The following GMDS variants were observed in gnomAD, a reference collection of about 807,000 sequenced individuals.
GMDS encodes the protein GDP-mannose 4,6 dehydratase.
GMDS carries 20 observed loss-of-function variants against 49.9 expected under a neutral mutation model. The ratio of observed to expected loss-of-function variants is 0.40; its 90% confidence interval spans 0.28 to 0.58. GMDS has a LOEUF of 0.58. Among genes scored for constraint, GMDS ranks in the 20% least tolerant of loss-of-function variants. The pLI is 0.42. For synonymous variants in GMDS, 177 were observed against 178.6 expected, an observed-to-expected ratio of 0.99 and a Z score of 0.07; for missense variants, 362 against 481.4, an observed-to-expected ratio of 0.75 and a Z score of 2.32.
intron 4 of GMDS, among the ~76,000 whole-genome samples, chr6:2,084,860 T>C (rs867756450): frequency 1.3e-5 from 2 of 152,298 alleles, no homozygotes; most frequent in Non-Finnish European, 2.9e-5. Context: ...GGTTTACATA[T>C]AATTTGAGCA....
At chr6:2,242,909 C>T (rs989492566) in intron 1 of GMDS, among the ~76,000 whole-genome samples, 3 of 152,212 alleles carry the variant, frequency 2.0e-5, no homozygotes, top group African/African-American at 4.8e-5. Context: ...AGACCCCTTG[C>T]ATTAACACCA....
At chr6:1,758,892 T>A (rs946744379) in intron 7 of GMDS, among the ~76,000 whole-genome samples, 5 of 152,162 alleles carry the variant, frequency 3.3e-5, no homozygotes, top group African/African-American at 1.2e-4. Flanking sequence ...TCTCAAAAAA[T>A]AATAATAATC....
intron 1 of GMDS, among the ~76,000 whole-genome samples, chr6:2,170,369 T>C (rs1777927410): frequency 6.6e-6 from 1 of 152,170 alleles, no homozygotes; most frequent in Admixed American, 6.5e-5. Context: ...CTCATACCTA[T>C]AATCTAAACA....
intron 4 of GMDS, among the ~76,000 whole-genome samples, chr6:1,984,943 T>C (rs2127352301): frequency 6.6e-6 from 1 of 152,248 alleles, no homozygotes; most frequent in Non-Finnish European, 1.5e-5. Context: ...GCAAGTCTGT[T>C]GGGAGTTCAA....
At chr6:1,971,187 A>G (rs1176017121) in intron 4 of GMDS, among the ~76,000 whole-genome samples, 2 of 152,192 alleles carry the variant, frequency 1.3e-5, no homozygotes, top group Non-Finnish European at 2.9e-5. Flanking sequence ...TAGTTTGTTC[A>G]GTGGGCACTG....
intron 7 of GMDS, among the ~76,000 whole-genome samples, chr6:1,896,999 A>T (rs545096382): frequency 6.6e-6 from 1 of 152,282 alleles, no homozygotes; most frequent in South Asian, 2.1e-4. Context: ...CAAAGACAAC[A>T]ATGTACATGG....
chr6:1,838,010 G>A (rs1418762456), intron 7 of GMDS, among the ~76,000 whole-genome samples: 3 of 152,210 alleles, frequency 2.0e-5, no homozygotes, highest in Non-Finnish European at 2.9e-5. Flanking sequence ...GGTGCATGAA[G>A]GTCAGTGGTA....
At chr6:2,065,120 C>G (rs560288863) in intron 4 of GMDS, among the ~76,000 whole-genome samples, 4 of 152,104 alleles carry the variant, frequency 2.6e-5, no homozygotes, top group African/African-American at 9.7e-5. Context: ...TGACCCCTGA[C>G]CCCTGAGCAG....
At chr6:1,751,608 C>T (rs188992443) in intron 7 of GMDS, among the ~76,000 whole-genome samples, 28 of 152,342 alleles carry the variant, frequency 1.8e-4, no homozygotes, top group Non-Finnish European at 3.2e-4. Context: ...ATTCTCTTGC[C>T]TCAGCCTCCC....
chr6:1,645,400 T>C (rs753607841), intron 9 of GMDS, among the ~76,000 whole-genome samples: 4 of 152,234 alleles, frequency 2.6e-5, no homozygotes, highest in Non-Finnish European at 4.4e-5. Context: ...GCTGTCTTGA[T>C]GGCAGAAGGC....
At chr6:1,759,478 C>T (rs1024133193) in intron 7 of GMDS, among the ~76,000 whole-genome samples, 5 of 152,158 alleles carry the variant, frequency 3.3e-5, no homozygotes, top group African/African-American at 1.2e-4. Flanking sequence ...GTGTAGAATA[C>T]ATTTTCTTGT....
At chr6:1,971,701 C>T (rs1764623642) in intron 4 of GMDS, among the ~76,000 whole-genome samples, 1 of 152,220 alleles carries the variant, frequency 6.6e-6, no homozygotes, top group Non-Finnish European at 1.5e-5. Context: ...CCACTCTCCA[C>T]ACTGTGGGGG....
At chr6:1,713,490 G>A (rs1004156676) in intron 9 of GMDS, among the ~76,000 whole-genome samples, 37 of 152,168 alleles carry the variant, frequency 2.4e-4, no homozygotes, top group South Asian at 2.1e-4. Context: ...GCTGAAAGAA[G>A]AGACAATGTA....
chr6:2,052,116 C>CAAAAAAAAAAAAAAAAA lies in GMDS; in HGVS notation c.345+63654_345+63655insTTTTTTTTTTTTTTTTT, dbSNP rs1285013159. On this transcript the variant is annotated intron_variant, in intron 4 of 10. Coordinates refer to ENST00000380815, the MANE Select transcript of GMDS (RefSeq NM_001500.4). ...TGGGTGACAGAGCAAGACTCTGTCT[C>CAAAAAAAAAAAAAAAAA]AAAAAAAAAAAAAAGAAAAAAAAAA... 3.4e-3 allele frequency among the ~76,000 whole-genome samples: 148 copies of CAAAAAAAAAAAAAAAAA among 43,514 alleles called. 2 individuals carry two copies. Among genetic ancestry groups the CAAAAAAAAAAAAAAAAA allele is most frequent in the Middle Eastern group, 0.011 (1 of 90 alleles). The allele number at this position is 43,514 out of a possible 152,430, so 28.5% of individuals were successfully genotyped here. A position where few individuals can be genotyped will look rare whatever the true frequency, so the allele number is the denominator to read the frequency against.
intron 1 of GMDS, among the ~76,000 whole-genome samples, chr6:2,234,604 C>T (rs903530151): frequency 6.6e-5 from 10 of 151,216 alleles, no homozygotes; most frequent in African/African-American, 2.2e-4. Context: ...AGCGAAACTC[C>T]GTATCAAAAA....
rs373564929 is a variant in GMDS at position 1,803,023 on chromosome 6, A to G, written c.772-60437T>C. 3.9e-5 allele frequency among the ~76,000 whole-genome samples: 6 copies of G among 152,206 alleles called. No individual in the cohort carries two copies. In the East Asian group the frequency reaches 5.8e-4, roughly 15 times the overall value. ...CTGATAAGGAGGTTTAAAAAAATCC[A>G]TTTTTGAGCCTAAACAAAAGGATAT... On this transcript the variant is annotated intron_variant, in intron 7 of 10. Transcript: ENST00000380815.
chr6:1,994,878 T>C (rs1484531483), intron 4 of GMDS, among the ~76,000 whole-genome samples: 1 of 152,032 alleles, frequency 6.6e-6, no homozygotes, highest in Non-Finnish European at 1.5e-5. Context: ...TGGAAATCAC[T>C]AAAGCAATAT....
At chr6:1,673,930 A>G (rs1251952481) in intron 9 of GMDS, among the ~76,000 whole-genome samples, 1 of 103,004 alleles carries the variant, frequency 9.7e-6, no homozygotes, top group Non-Finnish European at 2.3e-5. Context: ...AAGTTGATCC[A>G]TTAGAAGGAT....
chr6:1,741,646 T>C (rs1767272692), intron 8 of GMDS, among the ~76,000 whole-genome samples: 1 of 151,554 alleles, frequency 6.6e-6, no homozygotes, highest in Non-Finnish European at 1.5e-5. Flanking sequence ...ACCCCATCTC[T>C]ACTAAAAATA....
Sources: allele counts gnomAD v4.1 joint callset (sites outside exome capture counted in the v4.1 genomes callset), GRCh38; gene constraint gnomAD v4.1.1; transcripts MANE v1.5; gene names NCBI Gene and HGNC (gene_info 2026-07-23, HGNC 2026-07-21).